Variants in MSN observed in about 807,000 individuals in gnomAD.
The protein encoded by MSN is moesin.
In MSN, 2 loss-of-function variants were observed where a neutral mutation model predicts 48.0. The observed-to-expected ratio is 0.04, with a 90% CI of 0.02 to 0.13. The LOEUF (loss-of-function observed/expected upper bound fraction) is 0.13, where lower values mean the gene tolerates loss of function less well. MSN is among the 10% of genes least tolerant of loss of function. The pLI is 1.00. For synonymous variants in MSN, 146 were observed against 166.9 expected (o/e 0.87, Z 0.97); for missense variants, 267 against 470.1 (o/e 0.57, Z 3.99).
chrX:65,628,666 T>C (rs2070528749), intron 1 of MSN, among the ~76,000 whole-genome samples: 1 of 112,159 alleles, frequency 8.9e-6, no homozygotes, highest in South Asian at 3.7e-4. Flanking sequence ...CTTATGCAAA[T>C]TTCTGCAGCA....
At chrX:65,694,574 C>G (rs1433380486) in intron 1 of MSN, among the ~76,000 whole-genome samples, 1 of 111,493 alleles carries the variant, frequency 9.0e-6, no homozygotes, top group African/African-American at 3.3e-5. Flanking sequence ...AGTAATCCAC[C>G]CGCCTCAGCC....
chrX:65,678,759 G>A (rs1478920552), intron 1 of MSN, among the ~76,000 whole-genome samples: 1 of 111,647 alleles, frequency 9.0e-6, no homozygotes, highest in African/African-American at 3.3e-5. Context: ...TGGTACAATG[G>A]AAAGAAGAGT....
chrX:65,727,966 G>A (rs2071584154), intron 3 of MSN, 57 bp downstream of exon 3: 23 of 1,073,757 alleles, frequency 2.1e-5, no homozygotes, highest in Non-Finnish European at 2.8e-5. Context: ...GAACATTCCT[G>A]GGAGGGTACC....
At chrX:65,708,296 A>G (rs2071381623) in intron 1 of MSN, among the ~76,000 whole-genome samples, 1 of 112,124 alleles carries the variant, frequency 8.9e-6, no homozygotes, top group Non-Finnish European at 1.9e-5. Context: ...TCAAACATTT[A>G]TCATTTCTTT....
chrX:65,667,771 T>A lies in MSN; in HGVS notation c.-71T>A. 8.3e-7 allele frequency: 1 copy of A among 1,203,036 alleles called. No homozygotes were observed. Among genetic ancestry groups the A allele is most frequent in the Non-Finnish European group, 1.1e-6 (1 of 891,023 alleles). On this transcript the variant is annotated 5_prime_UTR_variant, in exon 1 of 13. Coordinates refer to ENST00000360270, the MANE Select transcript of MSN (RefSeq NM_002444.3). ...CCCGGCCAGCCGAATCCAAGCCGTG[T>A]GTACTGCGTGCTCAGCACTGCCCGA...
Position 65,731,102 on chromosome X carries a change from T to A in MSN, c.468-5T>A. On this transcript the variant is annotated splice_region_variant and splice_polypyrimidine_tract_variant and intron_variant, in intron 4 of 12. Transcript: ENST00000360270. ...TAAACTACTCATCACCCATTGTCTT[T>A]CCAGAGTCCTGGAACAGCACAAACT... The A allele has an allele frequency of 8.3e-7, 1 of 1,200,125 alleles. No individual in the cohort carries two copies. Among genetic ancestry groups the A allele is most frequent in the Non-Finnish European group, 1.1e-6 (1 of 888,812 alleles).
rs1569469604 is a variant in MSN at position 65,741,829 on chromosome X, G to C, written c.*1936G>C. ...GGAAAAGGTTAGATTTTGTATTCAG[G>C]GGTTTTTTGTGTACTTTTTGGGTTT... On this transcript the variant is annotated 3_prime_UTR_variant, in exon 13 of 13. Coordinates refer to ENST00000360270, the MANE Select transcript of MSN (RefSeq NM_002444.3). The C allele has an allele frequency of 3.1e-5, 5 of 163,378 alleles. No individual in the cohort carries two copies. The East Asian group carries it at 4.4e-4, about 14-fold the overall frequency. The allele number at this position is 163,378 out of a possible 1,213,427, so 13.5% of individuals were successfully genotyped here.
intron 1 of MSN, among the ~76,000 whole-genome samples, chrX:65,692,194 G>T (rs866701404): frequency 1.8e-5 from 2 of 112,530 alleles, no homozygotes; most frequent in Non-Finnish European, 3.8e-5. Context: ...TCTTCTTCAT[G>T]CATGCCTGTT....
intron 1 of MSN, among the ~76,000 whole-genome samples, chrX:65,607,454 G>C (rs190682036): frequency 9.0e-6 from 1 of 111,577 alleles, no homozygotes; most frequent in East Asian, 2.8e-4. Context: ...CCTCATAACT[G>C]GGTTTCCTTT....
chrX:65,626,320 T>G (rs1203617676), intron 1 of MSN, among the ~76,000 whole-genome samples: 1 of 112,125 alleles, frequency 8.9e-6, no homozygotes, highest in Admixed American at 9.5e-5. Flanking sequence ...CCATTTATTT[T>G]GCTACTTTCC....
intron 1 of MSN, among the ~76,000 whole-genome samples, chrX:65,682,191 T>C (rs2071063171): frequency 8.9e-6 from 1 of 112,282 alleles, no homozygotes; most frequent in East Asian, 2.8e-4. Context: ...TGCCATGTAC[T>C]GTGGGAAGGA....
chrX:65,682,051 A>G (rs2071061327), intron 1 of MSN, among the ~76,000 whole-genome samples: 1 of 112,073 alleles, frequency 8.9e-6, no homozygotes, highest in Admixed American at 9.5e-5. Flanking sequence ...AGGGGCCACC[A>G]TCACCTTAGC....
upstream of MSN, among the ~76,000 whole-genome samples, chrX:65,663,315 C>A (rs185384906): frequency 9.2e-6 from 1 of 108,382 alleles, no homozygotes. Context: ...AAAAGACATA[C>A]AAGTGGCCAA....
chrX:65,697,013 G>C (rs16989688), intron 1 of MSN, among the ~76,000 whole-genome samples: 19,299 of 110,588 alleles, frequency 0.17, 4,190 homozygotes, highest in African/African-American at 0.61. Flanking sequence ...TGAGCTAATG[G>C]CTGTAAACAA....
chrX:65,741,795 G>A lies in MSN; in HGVS notation c.*1902G>A, dbSNP rs745919363. 40 of 165,028 alleles carry A rather than the reference G, an allele frequency of 2.4e-4. No individual in the cohort carries two copies. The highest frequency in any genetic ancestry group is 1.1e-3 in the African/African-American group (37 of 33,350). The allele number at this position is 165,028 out of a possible 1,213,427, so 13.6% of individuals were successfully genotyped here. A position where few individuals can be genotyped will look rare whatever the true frequency, so the allele number is the denominator to read the frequency against. On this transcript the variant is annotated 3_prime_UTR_variant, in exon 13 of 13. Coordinates refer to ENST00000360270, the MANE Select transcript of MSN (RefSeq NM_002444.3). ...TTAAAGTCAGTAACTTACCCTTAGG[G>A]AGGCTGGGGGAAAAGGTTAGATTTT...
intron 3 of MSN, among the ~76,000 whole-genome samples, chrX:65,728,208 G>C (rs1055912626): frequency 8.9e-6 from 1 of 112,561 alleles, no homozygotes; most frequent in Non-Finnish European, 1.9e-5. Context: ...AAATCCATTA[G>C]TGGCTTTTCA....
intron 1 of MSN, among the ~76,000 whole-genome samples, chrX:65,676,301 A>C (rs5964997): frequency 0.043 from 4,805 of 111,758 alleles, 274 homozygotes; most frequent in African/African-American, 0.15. Context: ...ACCAGATCTG[A>C]TGCTCCTTTC....
chrX:65,658,772 C>T (rs2070800305), intron 1 of MSN, among the ~76,000 whole-genome samples: 1 of 111,913 alleles, frequency 8.9e-6, no homozygotes, highest in Admixed American at 9.5e-5. Flanking sequence ...TTTCATTTCT[C>T]TCTTGAGCTT....
intron 1 of MSN, among the ~76,000 whole-genome samples, chrX:65,618,446 C>G (rs2148358640): frequency 9.0e-6 from 1 of 111,381 alleles, no homozygotes; most frequent in South Asian, 3.8e-4. Context: ...GAATTGATCC[C>G]TTTACCATTA....
Sources: gnomAD v4.1 joint callset for allele counts (sites outside exome capture counted in the v4.1 genomes callset) on GRCh38, gnomAD v4.1.1 for gene constraint, MANE v1.5 for transcripts, NCBI Gene and HGNC (gene_info 2026-07-23, HGNC 2026-07-21) for gene names.